The following ATAD5 variants were observed in gnomAD, a reference collection of about 807,000 sequenced individuals.
ATAD5 encodes the protein ATPase family AAA domain containing 5.
In ATAD5, 58 loss-of-function variants were observed where a neutral mutation model predicts 176.9. That is an observed-to-expected ratio of 0.33 (90% CI 0.27 to 0.41). The LOEUF is 0.41. Ranked by LOEUF, ATAD5 falls within the 10% of genes least tolerant of loss-of-function variation. The pLI is 1.00. For synonymous variants in ATAD5, 640 were observed against 712.6 expected (o/e 0.90, Z 1.62); for missense variants, 1,789 against 2,094.1 (o/e 0.85, Z 2.84).
chr17:30,880,041 C>A (rs1216280234), intron 18 of ATAD5, among the ~76,000 whole-genome samples: 2 of 152,016 alleles, frequency 1.3e-5, no homozygotes, highest in Non-Finnish European at 2.9e-5. Context: ...GTTGCTCATG[C>A]CTGTAATCCC....
intron 6 of ATAD5, among the ~76,000 whole-genome samples, chr17:30,852,199 A>C (rs1907011612): frequency 6.6e-6 from 1 of 152,176 alleles, no homozygotes; most frequent in Non-Finnish European, 1.5e-5. Context: ...AGTGGATTGT[A>C]ATCCATTCAT....
intron 11 of ATAD5, among the ~76,000 whole-genome samples, chr17:30,866,661 A>G (rs1908004278): frequency 6.6e-6 from 1 of 151,988 alleles, no homozygotes; most frequent in South Asian, 2.1e-4. Context: ...CTAAAAATAC[A>G]AAAATTAGCT....
At chr17:30,842,473 C>T (rs1034710770) in intron 4 of ATAD5, among the ~76,000 whole-genome samples, 9 of 152,102 alleles carry the variant, frequency 5.9e-5, no homozygotes, top group African/African-American at 2.2e-4. Flanking sequence ...CTCCCTCTCT[C>T]CCCTACATTC....
Position 30,894,866 on chromosome 17 carries a change from G to C in ATAD5, c.5488G>C (p.Asp1830His). 2 of 1,597,634 alleles carry C rather than the reference G, an allele frequency of 1.3e-6. No homozygotes were observed. Among genetic ancestry groups the C allele is most frequent in the South Asian group, 1.2e-5 (1 of 86,702 alleles). ...FLHYFEGIHL[D>H]IPKETVNTLA... ...GCACTATTTTGAAGGAATTCATCTT[G>C]ACATTCCAAAAGAGACTGTGAATAC... is the stretch of plus-strand genomic sequence containing the variant. The change falls in exon 23 of 23, where the codon GAC becomes CAC. Residue 1830 changes from aspartate to histidine, a missense_variant. By Grantham distance (81) the Asp-to-His change is moderately conservative (BLOSUM62 -1). Around this residue, in one of 6 missense-constraint regions of ATAD5, gnomAD observed 403 missense variants for 495.1 expected, o/e 0.81. Transcript: ENST00000321990.
intron 2 of ATAD5, 38 bp from the exon 3 acceptor site, chr17:30,837,168 T>G: frequency 8.8e-7 from 1 of 1,142,412 alleles, no homozygotes; most frequent in Non-Finnish European, 1.2e-6. Flanking sequence ...TATGTTATAA[T>G]CATGAAAATG....
intron 7 of ATAD5, among the ~76,000 whole-genome samples, chr17:30,856,004 T>C (rs1044191633): frequency 2.0e-5 from 3 of 152,230 alleles, no homozygotes; most frequent in Non-Finnish European, 4.4e-5. Context: ...TTGTTATTTT[T>C]ACTAGTACAG....
rs558642788 is a variant in ATAD5 at position 30,873,325 on chromosome 17, T to C, written c.3608-3049T>C. ...TTGGTGTGAAATTTCTTTTTCTTTT[T>C]TTTTTTTTTTTGAGACGGAGTCTTG... On this transcript the variant is annotated intron_variant, in intron 14 of 22. Coordinates refer to ENST00000321990, the MANE Select transcript of ATAD5 (RefSeq NM_024857.5). 2.6e-5 allele frequency among the ~76,000 whole-genome samples: 4 copies of C among 151,180 alleles called. No homozygotes were observed. In the South Asian group the frequency reaches 8.4e-4, roughly 32 times the overall value.
intron 7 of ATAD5, among the ~76,000 whole-genome samples, chr17:30,856,541 TG>T (rs1907301355): frequency 6.6e-6 from 1 of 152,134 alleles, no homozygotes; most frequent in Non-Finnish European, 1.5e-5. Context: ...CTCTGTCTCC[TG>T]GGTTCAAGCA....
rs190491688 is a variant in ATAD5 at position 30,836,463 on chromosome 17, C to G, written c.1967+415C>G. On this transcript the variant is annotated intron_variant, in intron 2 of 22. Transcript: ENST00000321990. The stretch of plus-strand genomic sequence containing the variant: ...AAAGTGCTGGGATTATAGTCGTGAG[C>G]CACTGCGCCCGGCCTGGAAGAAAAA... Among the ~76,000 whole-genome samples the G allele has an allele frequency of 5.1e-4, 77 of 152,176 alleles. 1 individual carries two copies. Among genetic ancestry groups the G allele is most frequent in the African/African-American group, 1.7e-3 (70 of 41,538 alleles).
At chr17:30,885,330 GCCA>G (rs925600853) in intron 18 of ATAD5, among the ~76,000 whole-genome samples, 2 of 152,166 alleles carry the variant, frequency 1.3e-5, no homozygotes, top group African/African-American at 4.8e-5. Context: ...ACAAGCATGA[GCCA>G]CCACAACTGT....
Position 30,865,724 on chromosome 17 carries a change from C to T in ATAD5, c.3157C>T (p.Leu1053Phe). The part of the protein sequence containing the change: ...SSKDSGTEDM[L>F]WTEKYQPQTA... ...TTTAGATTCTGGAACTGAAGACATGCTTTGGACAGAAAAGTATCAACCTCA... is the reference window on the plus strand; with the variant it reads ...TTTAGATTCTGGAACTGAAGACATGTTTTGGACAGAAAAGTATCAACCTCA... The change falls in exon 11 of 23, where the codon CTT becomes TTT. Residue 1053 changes from leucine (L) to phenylalanine (F), a missense_variant. This residue lies in a region of ATAD5 where 487 missense variants were observed against 573.6 expected (regional missense o/e 0.85). Transcript: ENST00000321990. 6.4e-7 allele frequency: 1 copy of T among 1,572,088 alleles called. No homozygotes were observed. Among genetic ancestry groups the T allele is most frequent in the East Asian group, 2.4e-5 (1 of 42,468 alleles).
chr17:30,857,888 C>T (rs1239842588), intron 8 of ATAD5, among the ~76,000 whole-genome samples: 1 of 152,040 alleles, frequency 6.6e-6, no homozygotes, highest in African/African-American at 2.4e-5. Context: ...ATTACAGGCA[C>T]ACGCCACCAT....
At chr17:30,884,276 C>T (rs1909183901) in intron 18 of ATAD5, among the ~76,000 whole-genome samples, 4 of 151,894 alleles carry the variant, frequency 2.6e-5, no homozygotes, top group Admixed American at 1.3e-4. Flanking sequence ...CTGCCTCAGC[C>T]TCCCAAAGTG....
Position 30,832,205 on chromosome 17 carries a change from C to A in ATAD5, c.-143C>A, listed in dbSNP as rs930649848. On this transcript the variant is annotated 5_prime_UTR_variant, in exon 1 of 23. Transcript: ENST00000321990. ...CCCAGCCTCCGCTCCCGCTCTCTGT[C>A]GGTGGGCGCGGGGGAATCCGAAACG... 1.1e-5 allele frequency: 6 copies of A among 527,952 alleles called. No individual in the cohort carries two copies. Among genetic ancestry groups the A allele is most frequent in the Non-Finnish European group, 1.9e-5 (6 of 320,238 alleles). The allele number at this position is 527,952 out of a possible 1,614,324, so 32.7% of individuals were successfully genotyped here.
At chr17:30,887,894 C>T (rs565064988) in intron 19 of ATAD5, among the ~76,000 whole-genome samples, 11 of 152,046 alleles carry the variant, frequency 7.2e-5, no homozygotes, top group East Asian at 5.8e-4. Flanking sequence ...TGCAGTGGTG[C>T]GATCTCGGCT....
At position 30,894,615 on chromosome 17, in the gene ATAD5, T is replaced by C; in HGVS notation, c.5349T>C (p.Ser1783=). ...TTAAAAGTGTATTTTCGAGTCGATC[T>C]CTTCTCTATGTGGGTAATAGACAAG... ...SVIKSVFSSR[S]LLYVGNRQAS... The change falls in exon 22 of 23, where the codon TCT becomes TCC. Residue 1783 remains serine (S), a synonymous_variant. Coordinates refer to ENST00000321990, the MANE Select transcript of ATAD5 (RefSeq NM_024857.5). 6.2e-7 allele frequency: 1 copy of C among 1,613,438 alleles called. No homozygotes were observed. The highest frequency in any genetic ancestry group is 1.1e-5 in the South Asian group (1 of 91,026).
At chr17:30,872,637 G>A (rs1008918904) in intron 14 of ATAD5, among the ~76,000 whole-genome samples, 3 of 150,720 alleles carry the variant, frequency 2.0e-5, no homozygotes, top group Admixed American at 6.7e-5. Context: ...TGCACTGCAA[G>A]CTCTGCCTCC....
intron 14 of ATAD5, among the ~76,000 whole-genome samples, chr17:30,873,117 C>T (rs555136061): frequency 6.6e-6 from 1 of 152,228 alleles, no homozygotes; most frequent in South Asian, 2.1e-4. Context: ...TGACTAGAAG[C>T]AGAATCCCAT....
At chr17:30,890,192 T>C (rs1909555468) in intron 19 of ATAD5, among the ~76,000 whole-genome samples, 1 of 151,696 alleles carries the variant, frequency 6.6e-6, no homozygotes, top group Non-Finnish European at 1.5e-5. Flanking sequence ...CCCAGCTTCA[T>C]ATTATTCTTT....
Sources: allele counts gnomAD v4.1 joint callset (sites outside exome capture counted in the v4.1 genomes callset), GRCh38; gene constraint gnomAD v4.1.1; regional missense constraint gnomAD v4.1.1; transcripts MANE v1.5; gene names NCBI Gene and HGNC (gene_info 2026-07-23, HGNC 2026-07-21).